DDX10: variants seen among roughly 807,000 people sequenced by gnomAD.
DDX10 encodes DEAD-box helicase 10.
In DDX10, 74 loss-of-function variants were observed where a neutral mutation model predicts 104.3. The observed-to-expected ratio is 0.71, with a 90% CI of 0.59 to 0.86. The LOEUF (loss-of-function observed/expected upper bound fraction) is 0.86, where lower values mean the gene tolerates loss of function less well. Ranked by LOEUF, DDX10 falls within the 40% of genes least tolerant of loss-of-function variation. The pLI, the probability that DDX10 is intolerant of heterozygous loss-of-function variation, is 0.00. For missense variants in DDX10, 952 were observed against 1,040.0 expected, an observed-to-expected ratio of 0.92 and a Z score of 1.16; for synonymous variants, 351 against 353.4, an observed-to-expected ratio of 0.99 and a Z score of 0.08.
At chr11:108,811,604 C>A (rs1341200164) in intron 13 of DDX10, among the ~76,000 whole-genome samples, 2 of 151,134 alleles carry the variant, frequency 1.3e-5, no homozygotes, top group Admixed American at 6.6e-5. Context: ...ATCTTTTTTT[C>A]AAAAAAAATC....
intron 15 of DDX10, among the ~76,000 whole-genome samples, chr11:108,848,300 G>T (rs987825373): frequency 2.0e-5 from 3 of 152,120 alleles, no homozygotes; most frequent in Non-Finnish European, 4.4e-5. Flanking sequence ...AGAGTCTAAA[G>T]TAAGAGCCAG....
At chr11:108,787,906 G>C (rs1164942315) in intron 13 of DDX10, among the ~76,000 whole-genome samples, 8 of 152,030 alleles carry the variant, frequency 5.3e-5, no homozygotes, top group African/African-American at 1.7e-4. Flanking sequence ...CTCCAGCCTG[G>C]GCAACAAGAG....
intron 17 of DDX10, among the ~76,000 whole-genome samples, chr11:108,935,017 A>G (rs941934881): frequency 2.6e-5 from 4 of 152,166 alleles, no homozygotes; most frequent in Non-Finnish European, 5.9e-5. Context: ...TGGGGCTTTG[A>G]ACAACCCTAA....
chr11:108,871,488 C>T (rs1863081256), intron 16 of DDX10, among the ~76,000 whole-genome samples: 1 of 152,216 alleles, frequency 6.6e-6, no homozygotes, highest in Admixed American at 6.5e-5. Context: ...CTCTACTGGT[C>T]ACCCTAGCAG....
At chr11:108,802,031 G>GTGTGTGTT (rs1470224808) in intron 13 of DDX10, among the ~76,000 whole-genome samples, 1 of 151,378 alleles carries the variant, frequency 6.6e-6, no homozygotes, top group Non-Finnish European at 1.5e-5. Flanking sequence ...GTGTGTGTGT[G>GTGTGTGTT]TGTGTTTGTG....
chr11:108,803,938 C>T (rs1862061031), intron 13 of DDX10, among the ~76,000 whole-genome samples: 1 of 152,204 alleles, frequency 6.6e-6, no homozygotes, highest in Admixed American at 6.5e-5. Context: ...CATTTCCTCA[C>T]TTTTGGGTTC....
chr11:108,790,634 T>G (rs1861857709), intron 13 of DDX10, among the ~76,000 whole-genome samples: 2 of 152,228 alleles, frequency 1.3e-5, no homozygotes, highest in Admixed American at 6.5e-5. Flanking sequence ...GGCATCACCT[T>G]GTTCCAGAGG....
chr11:108,829,608 T>G (rs1175051502), intron 13 of DDX10, among the ~76,000 whole-genome samples: 2 of 152,218 alleles, frequency 1.3e-5, no homozygotes, highest in African/African-American at 4.8e-5. Flanking sequence ...TCCCATCTAT[T>G]TATCTTTGTT....
intron 16 of DDX10, among the ~76,000 whole-genome samples, chr11:108,865,680 T>G (rs1369915016): frequency 2.0e-5 from 3 of 152,052 alleles, no homozygotes. Context: ...GTGTGGGGGA[T>G]GCAGCGAGAT....
At chr11:108,889,049 G>T (rs919826099) in intron 16 of DDX10, among the ~76,000 whole-genome samples, 4 of 152,182 alleles carry the variant, frequency 2.6e-5, no homozygotes, top group African/African-American at 9.7e-5. Flanking sequence ...TTAAGGGTCA[G>T]TTTAGTGAAA....
At chr11:108,676,227 G>A (rs1266442938) in intron 3 of DDX10, among the ~76,000 whole-genome samples, 2 of 152,126 alleles carry the variant, frequency 1.3e-5, no homozygotes, top group Non-Finnish European at 2.9e-5. Flanking sequence ...AGCTTCTTAG[G>A]CTTTCACTTC....
At chr11:108,772,014 A>G (rs903844138) in intron 13 of DDX10, among the ~76,000 whole-genome samples, 12 of 152,150 alleles carry the variant, frequency 7.9e-5, no homozygotes, top group Admixed American at 4.6e-4. Context: ...TAGTTTGTCC[A>G]TTGTTCTTGC....
chr11:108,886,600 T>G (rs1039335416), intron 16 of DDX10, among the ~76,000 whole-genome samples: 1 of 152,202 alleles, frequency 6.6e-6, no homozygotes, highest in Non-Finnish European at 1.5e-5. Context: ...CCTGTATCAT[T>G]GCTTTACTTA....
chr11:108,690,147 T>C (rs1245624933), intron 7 of DDX10: 1 of 152,158 alleles, frequency 6.6e-6, no homozygotes, highest in East Asian at 1.9e-4. Flanking sequence ...CTTGGAAGTG[T>C]ATCCTGAGCA....
At chr11:108,693,277 G>A (rs1004393728) in intron 8 of DDX10, among the ~76,000 whole-genome samples, 1 of 152,180 alleles carries the variant, frequency 6.6e-6, no homozygotes, top group African/African-American at 2.4e-5. Flanking sequence ...TGTCTCTTCC[G>A]TGTCAGATAC....
intron 9 of DDX10, among the ~76,000 whole-genome samples, chr11:108,695,445 A>G (rs2134452848): frequency 6.6e-6 from 1 of 152,344 alleles, no homozygotes; most frequent in Non-Finnish European, 1.5e-5. Context: ...GCCCGAGCAC[A>G]GACTGTCCTG....
intron 13 of DDX10, among the ~76,000 whole-genome samples, chr11:108,755,705 T>C (rs950783571): frequency 2.0e-4 from 30 of 152,174 alleles, no homozygotes; most frequent in African/African-American, 6.7e-4. Context: ...TATAGTGAAA[T>C]GGTTCACAAC....
chr11:108,730,575 C>G (rs1290699547), intron 13 of DDX10, among the ~76,000 whole-genome samples: 1 of 152,128 alleles, frequency 6.6e-6, no homozygotes, highest in East Asian at 1.9e-4. Flanking sequence ...ATATAGAACT[C>G]ATAGGTAGGG....
At chr11:108,783,920 T>C (rs1051280516) in intron 13 of DDX10, among the ~76,000 whole-genome samples, 1 of 152,218 alleles carries the variant, frequency 6.6e-6, no homozygotes, top group African/African-American at 2.4e-5. Context: ...TGCCACATTT[T>C]GTTTTCTGTT....
Sources: allele counts gnomAD v4.1 joint callset (sites outside exome capture counted in the v4.1 genomes callset), GRCh38; gene constraint gnomAD v4.1.1; transcripts MANE v1.5; gene names NCBI Gene and HGNC (gene_info 2026-07-23, HGNC 2026-07-21).